THAP10: variants seen among roughly 807,000 people sequenced by gnomAD.
The protein encoded by THAP10 is THAP domain containing 10, also known as THAP domain-containing protein 10.
Under a neutral mutation model 15.7 loss-of-function variants are expected in THAP10, and 10 were observed. The ratio of observed to expected loss-of-function variants is 0.64; its 90% confidence interval spans 0.39 to 1.08. The LOEUF is 1.08. Among genes scored for constraint, THAP10 ranks in the 50% least tolerant of loss-of-function variants. The pLI is 0.01. For synonymous variants in THAP10, 127 were observed against 129.1 expected, an observed-to-expected ratio of 0.98 and a Z score of 0.11; for missense variants, 310 against 330.9, an observed-to-expected ratio of 0.94 and a Z score of 0.49.
At chr15:70,888,152 CGTGA>C (rs147684317) in intron 1 of THAP10, among the ~76,000 whole-genome samples, 4,864 of 152,172 alleles carry the variant, frequency 0.032, 124 homozygotes, top group Non-Finnish European at 0.049. Context: ...TCAAAATCCT[CGTGA>C]GTAACTTGTG....
intron 1 of THAP10, among the ~76,000 whole-genome samples, chr15:70,890,891 T>C (rs1276454063): frequency 6.6e-6 from 1 of 152,086 alleles, no homozygotes; most frequent in African/African-American, 2.4e-5. Flanking sequence ...AGGGCTAGTG[T>C]GGTATGCAGG....
rs2033428040 is a variant in THAP10, at chr15:70,887,021, CA to C, written c.430-4114del. Among the ~76,000 whole-genome samples the C allele has an allele frequency of 1.3e-5, 2 of 151,686 alleles. 1 individual carries two copies. The highest frequency in any genetic ancestry group is 4.8e-5 in the African/African-American group (2 of 41,260). On this transcript the variant is annotated intron_variant, in intron 1 of 2. Coordinates refer to ENST00000249861, the MANE Select transcript of THAP10 (RefSeq NM_020147.4). ...CATTTAAAAATTTAGATGGAACAGACAAATTAAAAAATACTATTAATCAAAA... is the reference window on the plus strand; with the variant it reads ...CATTTAAAAATTTAGATGGAACAGACAATTAAAAAATACTATTAATCAAAA...
At position 70,882,632 on chromosome 15, in the gene THAP10, T is replaced by A; in HGVS notation, c.596A>T (p.Lys199Ile). The part of the protein sequence containing the change: ...HRSVGIQAKV[K>I]AFGKRLCNAT... ...ATTACACAGTCTTTTTCCAAACGCT[T>A]TCACTTTGGCTTGAATACCTGAAAG... Residue 199 changes from lysine (K) to isoleucine (I), a missense_variant, in exon 3 of 3, where the codon AAA becomes ATA. Coordinates refer to ENST00000249861, the MANE Select transcript of THAP10 (RefSeq NM_020147.4). The A allele has an allele frequency of 6.2e-7, 1 of 1,613,972 alleles. No homozygotes were observed. The highest frequency in any genetic ancestry group is 8.5e-7 in the Non-Finnish European group (1 of 1,179,926).
chr15:70,885,113 T>C (rs940462355), intron 1 of THAP10, among the ~76,000 whole-genome samples: 1 of 152,210 alleles, frequency 6.6e-6, no homozygotes, highest in Non-Finnish European at 1.5e-5. Flanking sequence ...CTTGTGTAGA[T>C]ATCCGATTGC....
rs1220817757 is a variant in THAP10 at position 70,892,301 on chromosome 15, G to T, written c.-29C>A. 1.2e-5 allele frequency: 18 copies of T among 1,550,934 alleles called. No individual in the cohort carries two copies. The highest frequency in any genetic ancestry group is 1.5e-5 in the Non-Finnish European group (17 of 1,147,096). ...GGCCGTCTTCGGTGCGCGGGAGCCG[G>T]GTTCCCTGGACCTTCGCCCTTGGGC... On this transcript the variant is annotated 5_prime_UTR_variant, in exon 1 of 3. Transcript: ENST00000249861.
In THAP10 at chr15:70,882,373, A is replaced by G; in HGVS notation, c.*81T>C. ...AACTGTCAAATTATCTTGAAGTGAA[A>G]GATTTACAATAGCAAAGAGATAATT... On this transcript the variant is annotated 3_prime_UTR_variant, in exon 3 of 3. Coordinates refer to ENST00000249861, the MANE Select transcript of THAP10 (RefSeq NM_020147.4). 1 of 1,235,588 alleles carries G rather than the reference A, an allele frequency of 8.1e-7. No individual in the cohort carries two copies. Among genetic ancestry groups the G allele is most frequent in the Non-Finnish European group, 1.1e-6 (1 of 880,938 alleles). 76.5% of individuals were successfully genotyped at this position (1,235,588 alleles called of 1,614,324 possible). A position where few individuals can be genotyped will look rare whatever the true frequency, so the allele number is the denominator to read the frequency against.
In THAP10 at chr15:70,881,863, T is replaced by C. The variant is rs2033272370; in HGVS notation, c.*591A>G. On this transcript the variant is annotated 3_prime_UTR_variant, in exon 3 of 3. Transcript: ENST00000249861. Reference sequence around the variant, plus strand: ...TATGAAAACTCTATCTCTAAATTGATTCCTTTGAAAAATTTCTGTAAGAAC... The same window carrying C: ...TATGAAAACTCTATCTCTAAATTGACTCCTTTGAAAAATTTCTGTAAGAAC... The C allele has an allele frequency of 6.6e-6, 1 of 152,238 alleles. No homozygotes were observed. Among genetic ancestry groups the C allele is most frequent in the African/African-American group, 2.4e-5 (1 of 41,452 alleles). 9.4% of individuals were successfully genotyped at this position (152,238 alleles called of 1,614,324 possible).
intron 1 of THAP10, among the ~76,000 whole-genome samples, chr15:70,885,312 T>C (rs2033377601): frequency 6.6e-6 from 1 of 152,130 alleles, no homozygotes; most frequent in Non-Finnish European, 1.5e-5. Context: ...GACGCAATAT[T>C]TGAACAAATA....
At chr15:70,890,182 T>C (rs567166894) in intron 1 of THAP10, among the ~76,000 whole-genome samples, 1 of 152,188 alleles carries the variant, frequency 6.6e-6, no homozygotes, top group Non-Finnish European at 1.5e-5. Context: ...GGTTGTGTAA[T>C]TATGAAGAAG....
chr15:70,885,900 A>C (rs568349029), intron 1 of THAP10, among the ~76,000 whole-genome samples: 2 of 152,320 alleles, frequency 1.3e-5, no homozygotes, highest in East Asian at 3.9e-4. Context: ...TCTCAAGTAC[A>C]TATGGAACAT....
rs958365639 is a variant in THAP10 at position 70,882,208 on chromosome 15, C to T, written c.*246G>A. 5 of 366,690 alleles carry T rather than the reference C, an allele frequency of 1.4e-5. No homozygotes were observed. Among genetic ancestry groups the T allele is most frequent in the African/African-American group, 1.0e-4 (5 of 47,744 alleles). The allele number at this position is 366,690 out of a possible 1,614,324, so 22.7% of individuals were successfully genotyped here. ...CTGATATTGTGGTTTTGCTTTGTAA[C>T]CTGATTTCTACCAAAAGGATTAAAA... On this transcript the variant is annotated 3_prime_UTR_variant, in exon 3 of 3. Coordinates refer to ENST00000249861, the MANE Select transcript of THAP10 (RefSeq NM_020147.4).
rs1310927903 is a variant in THAP10, at chr15:70,882,546, T to A, written c.682A>T (p.Ser228Cys). Residue 228 changes from serine to cysteine, a missense_variant, in exon 3 of 3, where the codon AGT (serine) becomes TGT (cysteine). Transcript: ENST00000249861. Reference sequence around the variant, plus strand: ...CAGTCTGTATCTGTTTCTGAATCACTGGAGTAAATGTCAAAGAGAGAGGAA... The same window carrying A: ...CAGTCTGTATCTGTTTCTGAATCACAGGAGTAAATGTCAAAGAGAGAGGAA... Reference protein sequence around the residue: ...RTSSLFDIYSSDSETDTDWDI... With the variant: ...RTSSLFDIYSCDSETDTDWDI... The A allele has an allele frequency of 1.2e-6, 2 of 1,613,758 alleles. No individual in the cohort carries two copies. Among genetic ancestry groups the A allele is most frequent in the East Asian group, 4.5e-5 (2 of 44,876 alleles).
rs529493636 is a variant in THAP10, at chr15:70,889,834, T to C, written c.429+2010A>G. On this transcript the variant is annotated intron_variant, in intron 1 of 2. Transcript: ENST00000249861. Reference sequence around the variant, plus strand: ...AGTCCTGGGATTGGGAAGAAAAACATTGGGTGGGGGAAGAAGTCAGATAGA... The same window carrying C: ...AGTCCTGGGATTGGGAAGAAAAACACTGGGTGGGGGAAGAAGTCAGATAGA... Among the ~76,000 whole-genome samples, 23 of 152,220 alleles carry C rather than the reference T, an allele frequency of 1.5e-4. No individual in the cohort carries two copies. In the South Asian group the frequency reaches 3.1e-3, roughly 21 times the overall value.
chr15:70,883,285 G>C (rs59437666), intron 1 of THAP10, among the ~76,000 whole-genome samples: 1 of 151,892 alleles, frequency 6.6e-6, no homozygotes, highest in Non-Finnish European at 1.5e-5. Context: ...TCCGCCTGCC[G>C]GGTTCAAGTG....
chr15:70,885,560 T>C, intron 1 of THAP10, among the ~76,000 whole-genome samples: 1 of 152,024 alleles, frequency 6.6e-6, no homozygotes, highest in East Asian at 1.9e-4. Context: ...CACAGAAAGA[T>C]TGAAAGTAGA....
At chr15:70,883,443 C>T (rs2033320090) in intron 1 of THAP10, among the ~76,000 whole-genome samples, 1 of 152,172 alleles carries the variant, frequency 6.6e-6, no homozygotes, top group Non-Finnish European at 1.5e-5. Context: ...ATCTGCCCGC[C>T]TCAGCCTCCC....
Position 70,882,926 on chromosome 15 carries a change from A to G in THAP10, c.430-18T>C, listed in dbSNP as rs753535650. 1.2e-6 allele frequency: 2 copies of G among 1,613,480 alleles called. No individual in the cohort carries two copies. The highest frequency in any genetic ancestry group is 1.7e-6 in the Non-Finnish European group (2 of 1,179,624). On this transcript the variant is annotated intron_variant, in intron 1 of 2. Coordinates refer to ENST00000249861, the MANE Select transcript of THAP10 (RefSeq NM_020147.4). The stretch of plus-strand genomic sequence containing the variant: ...CACGTAATCTAAAAATACAAATCAG[A>G]GGAGAAACATATTAAAGTGTACCTT...
intron 1 of THAP10, 85 bp downstream of exon 1, chr15:70,891,759 G>T: frequency 8.0e-7 from 1 of 1,247,832 alleles, no homozygotes; most frequent in Non-Finnish European, 1.1e-6. Context: ...TTCGAGATGA[G>T]GTGCCTTTCC....
intron 1 of THAP10, among the ~76,000 whole-genome samples, chr15:70,886,210 A>G (rs922917398): frequency 6.6e-6 from 1 of 152,212 alleles, no homozygotes; most frequent in African/African-American, 2.4e-5. Flanking sequence ...TAATGCATAT[A>G]TTAGGATAGG....
Sources: allele counts gnomAD v4.1 joint callset (sites outside exome capture counted in the v4.1 genomes callset), GRCh38; gene constraint gnomAD v4.1.1; transcripts MANE v1.5; gene names NCBI Gene and HGNC (gene_info 2026-07-23, HGNC 2026-07-21).